Variants in RALYL observed in about 807,000 individuals in gnomAD.
RALYL encodes RALY RNA binding protein like, also known as RNA-binding Raly-like protein.
RALYL carries 29 observed loss-of-function variants against 35.1 expected under a neutral mutation model. The ratio of observed to expected loss-of-function variants is 0.83; its 90% CI spans 0.61 to 1.13. The LOEUF (loss-of-function observed/expected upper bound fraction) is 1.13, where lower values mean the gene tolerates loss of function less well. RALYL is among the 50% of genes most tolerant of loss of function. RALYL has a pLI of 0.00. For synonymous variants in RALYL, 120 were observed against 127.6 expected (o/e 0.94, Z 0.40); for missense variants, 359 against 360.4 (o/e 1.00, Z 0.03).
At chr8:84,424,225 A>G (rs1462269039) in intron 1 of RALYL, among the ~76,000 whole-genome samples, 3 of 148,434 alleles carry the variant, frequency 2.0e-5, no homozygotes, top group African/African-American at 7.5e-5. Flanking sequence ...ATAGTCCCAT[A>G]TTTCTTGGAG....
At chr8:84,279,373 A>C (rs1585885522) in intron 1 of RALYL, among the ~76,000 whole-genome samples, 1 of 152,296 alleles carries the variant, frequency 6.6e-6, no homozygotes, top group Middle Eastern at 3.4e-3. Flanking sequence ...AAGATAGGTA[A>C]GTTTGATGTC....
chr8:84,816,103 A>G (rs1008656308), intron 4 of RALYL, among the ~76,000 whole-genome samples: 5 of 152,126 alleles, frequency 3.3e-5, no homozygotes, highest in African/African-American at 1.2e-4. Flanking sequence ...TCAAGATTCT[A>G]ATATATAAAT....
intron 4 of RALYL, among the ~76,000 whole-genome samples, chr8:84,842,408 A>G (rs1473903910): frequency 2.6e-5 from 4 of 152,310 alleles, no homozygotes; most frequent in African/African-American, 7.2e-5. Context: ...CCCTCCCAAG[A>G]CTAAACCAGG....
chr8:84,414,853 A>G (rs1012446852), intron 1 of RALYL, among the ~76,000 whole-genome samples: 5 of 152,170 alleles, frequency 3.3e-5, no homozygotes, highest in East Asian at 1.9e-4. Flanking sequence ...AACATGGGCC[A>G]AGAGAGATGA....
At chr8:84,619,953 T>C (rs1426701705) in intron 2 of RALYL, among the ~76,000 whole-genome samples, 11 of 151,932 alleles carry the variant, frequency 7.2e-5, no homozygotes, top group Non-Finnish European at 1.2e-4. Context: ...GGGTTTCTGC[T>C]GAGAGATCCG....
At chr8:84,328,594 T>A (rs763113265) in intron 1 of RALYL, among the ~76,000 whole-genome samples, 10 of 152,058 alleles carry the variant, frequency 6.6e-5, no homozygotes, top group Non-Finnish European at 1.3e-4. Context: ...TATTATAGAG[T>A]TTTAATTTAA....
At position 84,539,886 on chromosome 8, in the gene RALYL, ATG is replaced by A. The variant is rs371636213; in HGVS notation, c.256+10331_256+10332del. On this transcript the variant is annotated intron_variant, in intron 2 of 8. Coordinates refer to ENST00000521268, the MANE Select transcript of RALYL (RefSeq NM_173848.7). ...TATATATATATATATATGTATATAT[ATG>A]TGTGTGTGTGTGTGTGTGTGTACAT... is the stretch of plus-strand genomic sequence containing the variant. 3.8e-3 allele frequency among the ~76,000 whole-genome samples: 327 copies of A among 86,854 alleles called. 4 individuals carry two copies. The highest frequency in any genetic ancestry group is 0.012 in the African/African-American group (261 of 21,586). 57.0% of individuals were successfully genotyped at this position (86,854 alleles called of 152,430 possible).
At chr8:84,748,365 T>C (rs759847941) in intron 2 of RALYL, among the ~76,000 whole-genome samples, 1 of 152,014 alleles carries the variant, frequency 6.6e-6, no homozygotes, top group Non-Finnish European at 1.5e-5. Flanking sequence ...GGATGAAAGA[T>C]GGATAAGATA....
intron 1 of RALYL, among the ~76,000 whole-genome samples, chr8:84,414,915 G>A (rs766496919): frequency 2.4e-4 from 37 of 152,026 alleles, no homozygotes; most frequent in Non-Finnish European, 5.3e-4. Flanking sequence ...GGTAATCATC[G>A]GAAGCACTTG....
chr8:84,540,082 T>C (rs2059922202), intron 2 of RALYL, among the ~76,000 whole-genome samples: 1 of 151,800 alleles, frequency 6.6e-6, no homozygotes, highest in African/African-American at 2.4e-5. Context: ...ATTTATGACC[T>C]TCTAAAATCA....
At chr8:84,865,467 T>C (rs1839007921) in intron 6 of RALYL, among the ~76,000 whole-genome samples, 1 of 152,196 alleles carries the variant, frequency 6.6e-6, no homozygotes, top group Non-Finnish European at 1.5e-5. Context: ...TATATTAATG[T>C]CATAATTTAC....
intron 1 of RALYL, among the ~76,000 whole-genome samples, chr8:84,348,573 C>T (rs574622503): frequency 6.6e-6 from 1 of 152,214 alleles, no homozygotes; most frequent in South Asian, 2.1e-4. Flanking sequence ...AATCATTGCA[C>T]AATGCCCAGG....
At chr8:84,405,785 TA>T (rs143490551) in intron 1 of RALYL, among the ~76,000 whole-genome samples, 4,120 of 151,452 alleles carry the variant, frequency 0.027, 187 homozygotes, top group African/African-American at 0.094. Flanking sequence ...AATTCATGCT[TA>T]ATTTTTAATC....
At chr8:84,403,524 GTTTTTTT>G (rs769845435) in intron 1 of RALYL, among the ~76,000 whole-genome samples, 2 of 39,426 alleles carry the variant, frequency 5.1e-5, no homozygotes, top group African/African-American at 6.9e-5. Flanking sequence ...CTATATCTCT[GTTTTTTT>G]TTTTTTTTTT....
At chr8:84,640,552 A>G (rs1200633766) in intron 2 of RALYL, among the ~76,000 whole-genome samples, 1 of 152,038 alleles carries the variant, frequency 6.6e-6, no homozygotes, top group Non-Finnish European at 1.5e-5. Flanking sequence ...AGACATATCA[A>G]GAAAAGCCAA....
chr8:84,555,442 T>C (rs976092065), intron 2 of RALYL, among the ~76,000 whole-genome samples: 3 of 152,166 alleles, frequency 2.0e-5, no homozygotes, highest in Non-Finnish European at 4.4e-5. Flanking sequence ...AGTGGCATGC[T>C]ACATAAATGT....
At chr8:84,525,262 C>G (rs1024717702) in intron 1 of RALYL, among the ~76,000 whole-genome samples, 1 of 152,026 alleles carries the variant, frequency 6.6e-6, no homozygotes, top group African/African-American at 2.4e-5. Flanking sequence ...TCCATCCAAA[C>G]TTCTAAATTA....
chr8:84,248,191 T>G (rs1328974812), intron 1 of RALYL, among the ~76,000 whole-genome samples: 1 of 152,126 alleles, frequency 6.6e-6, no homozygotes, highest in Non-Finnish European at 1.5e-5. Context: ...TTAAATTTAG[T>G]TGGCTACATC....
At chr8:84,390,074 AG>A (rs1247280027) in intron 1 of RALYL, among the ~76,000 whole-genome samples, 9 of 152,184 alleles carry the variant, frequency 5.9e-5, no homozygotes, top group Non-Finnish European at 1.2e-4. Context: ...ATTTTGTCAA[AG>A]GCCTTTTCTG....
Sources: allele counts gnomAD v4.1 joint callset (sites outside exome capture counted in the v4.1 genomes callset), GRCh38; gene constraint gnomAD v4.1.1; transcripts MANE v1.5; gene names NCBI Gene and HGNC (gene_info 2026-07-23, HGNC 2026-07-21).